The following DLG2 variants were observed in gnomAD, a reference collection of about 807,000 sequenced individuals.
The protein encoded by DLG2 is discs large MAGUK scaffold protein 2, also known as disks large homolog 2.
In DLG2, 45 loss-of-function variants were observed where a neutral mutation model predicts 132.5. The ratio of observed to expected loss-of-function variants is 0.34; its 90% CI spans 0.27 to 0.44. The LOEUF (loss-of-function observed/expected upper bound fraction) is 0.44. Among genes scored for constraint, DLG2 ranks in the 20% least tolerant of loss-of-function variants. The pLI, the probability that DLG2 is intolerant of heterozygous loss-of-function variation, is 1.00. For synonymous variants in DLG2, 424 were observed against 419.6 expected (o/e 1.01, Z -0.13); for missense variants, 1,045 against 1,196.9 (o/e 0.87, Z 1.87).
intron 19 of DLG2, among the ~76,000 whole-genome samples, chr11:83,600,236 G>GGGGTGTGTGTGTGTGTGTGTGT (rs142616504): frequency 6.9e-6 from 1 of 145,512 alleles, no homozygotes; most frequent in African/African-American, 2.6e-5. Flanking sequence ...CTAGCTATAG[G>GGGGTGTGTGTGTGTGTGTGTGT]GTGTGTGTGT....
At chr11:84,765,063 A>G (rs2068211405) in intron 6 of DLG2, among the ~76,000 whole-genome samples, 1 of 152,110 alleles carries the variant, frequency 6.6e-6, no homozygotes, top group Non-Finnish European at 1.5e-5. Context: ...TGTACCTTTC[A>G]TATTATTTAT....
intron 8 of DLG2, among the ~76,000 whole-genome samples, chr11:84,234,124 C>A (rs954652609): frequency 6.6e-6 from 1 of 152,180 alleles, no homozygotes; most frequent in South Asian, 2.1e-4. Context: ...CAGGCCACTG[C>A]ACATGTGGAC....
At chr11:83,625,977 A>G (rs1281660211) in intron 19 of DLG2, among the ~76,000 whole-genome samples, 1 of 152,218 alleles carries the variant, frequency 6.6e-6, no homozygotes, top group African/African-American at 2.4e-5. Context: ...TAGGAAAGAT[A>G]GTCTTGGAAT....
At chr11:84,752,544 G>C (rs2066271791) in intron 6 of DLG2, among the ~76,000 whole-genome samples, 1 of 149,330 alleles carries the variant, frequency 6.7e-6, no homozygotes, top group Admixed American at 6.7e-5. Context: ...TAACATGGCT[G>C]CTTCTTTGGT....
At chr11:84,051,652 T>C (rs909236778) in intron 11 of DLG2, among the ~76,000 whole-genome samples, 1 of 149,466 alleles carries the variant, frequency 6.7e-6, no homozygotes, top group African/African-American at 2.5e-5. Flanking sequence ...AGGGATAGCA[T>C]TAGGAGATAT....
At chr11:84,896,238 CTT>C (rs1726739253) in intron 6 of DLG2, among the ~76,000 whole-genome samples, 2 of 152,058 alleles carry the variant, frequency 1.3e-5, no homozygotes, top group Admixed American at 6.6e-5. Context: ...ATTATCCAAA[CTT>C]ATATGCAAAT....
At chr11:85,308,506 T>C (rs1596121734) in intron 3 of DLG2, among the ~76,000 whole-genome samples, 1 of 152,142 alleles carries the variant, frequency 6.6e-6, no homozygotes, top group Non-Finnish European at 1.5e-5. Context: ...AGTGGTTGTG[T>C]TCTTCTCCCT....
chr11:85,398,564 C>A (rs1168195144), intron 3 of DLG2, among the ~76,000 whole-genome samples: 2 of 151,988 alleles, frequency 1.3e-5, no homozygotes, highest in Non-Finnish European at 2.9e-5. Flanking sequence ...AGAAAAGAAT[C>A]AAATAGATGC....
intron 3 of DLG2, among the ~76,000 whole-genome samples, chr11:85,357,073 G>A (rs189070754): frequency 6.6e-6 from 1 of 152,034 alleles, no homozygotes; most frequent in South Asian, 2.1e-4. Context: ...CACCAAGTAG[G>A]TGCTCAATAA....
rs139620603 is a variant in DLG2 at position 85,508,090 on chromosome 11, C to G, written c.40+90567G>C. 8.5e-5 allele frequency among the ~76,000 whole-genome samples: 13 copies of G among 152,192 alleles called. No homozygotes were observed. In the East Asian group the frequency reaches 2.5e-3, roughly 29 times the overall value. ...TAAGGTCTTCTCTATGCTGTTTATT[C>G]TAGTTAGCCATTCATCTAATCTTCT... On this transcript the variant is annotated intron_variant, in intron 3 of 27. Transcript: ENST00000376104.
At chr11:84,628,135 G>GAT (rs1422915635) in intron 6 of DLG2, among the ~76,000 whole-genome samples, 19 of 149,840 alleles carry the variant, frequency 1.3e-4, no homozygotes, top group Admixed American at 6.0e-4. Context: ...CACACATATA[G>GAT]ATATATATAT....
At position 85,146,222 on chromosome 11, in the gene DLG2, TTCTCCC is replaced by T. The variant is rs1322545472; in HGVS notation, c.282+8328_282+8333del. 3.5e-3 allele frequency among the ~76,000 whole-genome samples: 334 copies of T among 94,184 alleles called. 6 individuals are homozygous for T. The highest frequency in any genetic ancestry group is 0.012 in the African/African-American group (288 of 23,900). The allele number at this position is 94,184 out of a possible 152,430, so 61.8% of individuals were successfully genotyped here. ...AACAGAAGTCTGTCTGTATGTCTGT[TTCTCCC>T]TCTCTCTCTCTCTCTCTCTCTCTCT... On this transcript the variant is annotated intron_variant, in intron 5 of 27. Transcript: ENST00000376104.
intron 19 of DLG2, among the ~76,000 whole-genome samples, chr11:83,567,020 TG>T (rs1399160691): frequency 6.6e-6 from 1 of 152,168 alleles, no homozygotes; most frequent in Non-Finnish European, 1.5e-5. Context: ...CTCCGTCTCA[TG>T]GGGTAATGAT....
chr11:84,828,055 A>G (rs772718869), intron 6 of DLG2, among the ~76,000 whole-genome samples: 4 of 151,888 alleles, frequency 2.6e-5, no homozygotes, highest in Non-Finnish European at 5.9e-5. Flanking sequence ...AGGTTGATAG[A>G]CAACTTTTGA....
chr11:85,184,871 T>TA (rs926237605), intron 4 of DLG2, among the ~76,000 whole-genome samples: 15 of 150,990 alleles, frequency 9.9e-5, no homozygotes, highest in African/African-American at 2.2e-4. Flanking sequence ...GCAACCAATT[T>TA]AAAAAAAAAC....
chr11:84,866,497 G>C (rs2084590355), intron 6 of DLG2, among the ~76,000 whole-genome samples: 1 of 152,168 alleles, frequency 6.6e-6, no homozygotes, highest in Non-Finnish European at 1.5e-5. Flanking sequence ...GTGAGATGTA[G>C]AATGGAAATC....
intron 7 of DLG2, among the ~76,000 whole-genome samples, chr11:84,445,119 C>T (rs573239120): frequency 9.3e-4 from 142 of 152,122 alleles, no homozygotes; most frequent in Non-Finnish European, 1.5e-3. Context: ...GCCTATTGTA[C>T]GCTATTTTAA....
At chr11:84,995,419 G>T (rs1227390995) in intron 6 of DLG2, among the ~76,000 whole-genome samples, 1 of 152,080 alleles carries the variant, frequency 6.6e-6, no homozygotes, top group Admixed American at 6.6e-5. Context: ...AATTAACAGT[G>T]CTCATCATAG....
rs139761985 is a variant in DLG2 at position 84,014,775 on chromosome 11, T to A, written c.920-34133A>T. 1.6e-4 allele frequency among the ~76,000 whole-genome samples: 24 copies of A among 152,000 alleles called. 1 individual carries two copies. Among genetic ancestry groups the A allele is most frequent in the Non-Finnish European group, 2.8e-4 (19 of 67,980 alleles). ...ATGTACTTTCTCTTTCACAATCCAA[T>A]ATAAAATCAATGATGTTTCTTGCAC... On this transcript the variant is annotated intron_variant, in intron 11 of 27. Coordinates refer to ENST00000376104, the MANE Select transcript of DLG2 (RefSeq NM_001142699.3).
Sources: allele counts gnomAD v4.1 joint callset (sites outside exome capture counted in the v4.1 genomes callset), GRCh38; gene constraint gnomAD v4.1.1; transcripts MANE v1.5; gene names NCBI Gene and HGNC (gene_info 2026-07-23, HGNC 2026-07-21).